GREB1L: variants seen among roughly 807,000 people sequenced by gnomAD.
The protein encoded by GREB1L is GREB1-like protein.
A neutral mutation model predicts 200.8 loss-of-function variants in GREB1L; 17 were observed. The ratio of observed to expected loss-of-function variants is 0.08; its 90% CI spans 0.06 to 0.13. The LOEUF (loss-of-function observed/expected upper bound fraction) is 0.13, where lower values mean the gene tolerates loss of function less well. GREB1L is among the 10% of genes least tolerant of loss of function. GREB1L has a pLI of 1.00. For synonymous variants in GREB1L, 789 were observed against 893.0 expected (o/e 0.88, Z 2.08); for missense variants, 1,657 against 2,367.7 (o/e 0.70, Z 6.23).
At chr18:21,376,870 A>G (rs1212048947) in intron 2 of GREB1L, among the ~76,000 whole-genome samples, 2 of 151,440 alleles carry the variant, frequency 1.3e-5, no homozygotes, top group African/African-American at 2.4e-5. Context: ...ATACTTATGT[A>G]TTGTATGTAT....
intron 7 of GREB1L, among the ~76,000 whole-genome samples, chr18:21,430,241 C>T (rs1405636909): frequency 6.6e-6 from 1 of 152,064 alleles, no homozygotes; most frequent in Non-Finnish European, 1.5e-5. Context: ...ATAACAATGG[C>T]ATACAATTGT....
At chr18:21,516,242 G>A (rs2037413998) in intron 29 of GREB1L, among the ~76,000 whole-genome samples, 2 of 152,186 alleles carry the variant, frequency 1.3e-5, no homozygotes, top group African/African-American at 4.8e-5. Flanking sequence ...AATAGCTGCT[G>A]CTTTCACTCC....
intron 1 of GREB1L, among the ~76,000 whole-genome samples, chr18:21,273,327 C>G (rs1392725165): frequency 1.3e-5 from 2 of 152,118 alleles, no homozygotes; most frequent in African/African-American, 2.4e-5. Flanking sequence ...TTTGTCACAT[C>G]TAGTTCTATT....
chr18:21,325,891 T>G (rs1269055736), intron 1 of GREB1L, among the ~76,000 whole-genome samples: 1 of 151,706 alleles, frequency 6.6e-6, no homozygotes, highest in African/African-American at 2.4e-5. Context: ...ACATTCTCTT[T>G]ATAATCTCTA....
intron 1 of GREB1L, among the ~76,000 whole-genome samples, chr18:21,359,682 C>CT (rs1057071912): frequency 4.6e-5 from 7 of 152,208 alleles, no homozygotes; most frequent in African/African-American, 1.7e-4. Flanking sequence ...ACAGGAACTG[C>CT]TTCTTCTTTG....
At chr18:21,522,465 T>C (rs1326822134) in intron 32 of GREB1L, among the ~76,000 whole-genome samples, 193 bp from the exon 33 acceptor site, 1 of 152,108 alleles carries the variant, frequency 6.6e-6, no homozygotes, top group African/African-American at 2.4e-5. Flanking sequence ...AGAGCAAGAC[T>C]CCGTCTCAAA....
At chr18:21,284,647 A>G (rs148504857) in intron 1 of GREB1L, among the ~76,000 whole-genome samples, 1 of 152,278 alleles carries the variant, frequency 6.6e-6, no homozygotes, top group Non-Finnish European at 1.5e-5. Flanking sequence ...ATCGTGTACA[A>G]ATTTTTGTAT....
At chr18:21,409,359 G>A (rs947118571) in intron 7 of GREB1L, among the ~76,000 whole-genome samples, 10 of 152,216 alleles carry the variant, frequency 6.6e-5, no homozygotes, top group African/African-American at 2.4e-4. Flanking sequence ...ATTAGTGCTT[G>A]CCTGGAGCAG....
At chr18:21,382,792 A>G (rs78059897) in intron 2 of GREB1L, among the ~76,000 whole-genome samples, 2 of 152,094 alleles carry the variant, frequency 1.3e-5, no homozygotes, top group Non-Finnish European at 2.9e-5. Flanking sequence ...CACCCTATAC[A>G]TGGAAATTTT....
intron 2 of GREB1L, among the ~76,000 whole-genome samples, chr18:21,366,585 C>T (rs1204262194): frequency 6.6e-6 from 1 of 151,324 alleles, no homozygotes; most frequent in African/African-American, 2.4e-5. Flanking sequence ...TTTTAGGAGG[C>T]TTTTAATTTA....
intron 1 of GREB1L, among the ~76,000 whole-genome samples, chr18:21,286,170 C>T (rs921941620): frequency 6.6e-6 from 1 of 152,110 alleles, no homozygotes; most frequent in Non-Finnish European, 1.5e-5. Flanking sequence ...TGTACTTGTC[C>T]GAGGACCACA....
At chr18:21,395,919 A>G (rs562777619) in intron 5 of GREB1L, among the ~76,000 whole-genome samples, 1 of 151,694 alleles carries the variant, frequency 6.6e-6, no homozygotes, top group Admixed American at 6.6e-5. Flanking sequence ...TAGTAGAGAC[A>G]GGGCTTCACC....
intron 1 of GREB1L, among the ~76,000 whole-genome samples, chr18:21,318,614 A>G (rs2038907709): frequency 1.3e-5 from 2 of 152,242 alleles, no homozygotes; most frequent in African/African-American, 4.8e-5. Context: ...AAACTCAGAT[A>G]CATTTTCATG....
At chr18:21,495,596 G>T in intron 19 of GREB1L, 74 bp from the exon 20 acceptor site, 1 of 772,430 alleles carries the variant, frequency 1.3e-6, no homozygotes, top group South Asian at 1.6e-5. Flanking sequence ...CTAAAATCTG[G>T]ACTCAGAAGC....
At position 21,255,366 on chromosome 18, in the gene GREB1L, C is replaced by G. The variant is rs562280309; in HGVS notation, c.-120+12973C>G. 2.0e-5 allele frequency among the ~76,000 whole-genome samples: 3 copies of G among 152,172 alleles called. No homozygotes were observed. In the South Asian group the frequency reaches 6.2e-4, roughly 32 times the overall value. On this transcript the variant is annotated intron_variant, in intron 1 of 32. Transcript: ENST00000424526. ...GGCACACAAGTCCCACTTCAGTAGC[C>G]CTGTGACTAAGCGGCTACTGTATTG... is the stretch of plus-strand genomic sequence containing the variant.
At chr18:21,341,232 C>T (rs1598673896) in intron 1 of GREB1L, among the ~76,000 whole-genome samples, 1 of 152,164 alleles carries the variant, frequency 6.6e-6, no homozygotes, top group South Asian at 2.1e-4. Flanking sequence ...AGAATTTGTA[C>T]TAGTCACTGA....
chr18:21,402,707 G>A (rs2041370312), intron 6 of GREB1L, among the ~76,000 whole-genome samples: 1 of 151,742 alleles, frequency 6.6e-6, no homozygotes, highest in Non-Finnish European at 1.5e-5. Context: ...ATTTTTTGTA[G>A]GGACAGGGTT....
At chr18:21,257,973 C>G (rs1161110870) in intron 1 of GREB1L, among the ~76,000 whole-genome samples, 1 of 152,086 alleles carries the variant, frequency 6.6e-6, no homozygotes, top group Non-Finnish European at 1.5e-5. Context: ...TTCACAAGAG[C>G]CTTCAGGTAC....
intron 1 of GREB1L, among the ~76,000 whole-genome samples, chr18:21,310,905 C>T (rs1044365559): frequency 6.6e-5 from 10 of 152,182 alleles, no homozygotes; most frequent in Admixed American, 2.0e-4. Context: ...TCTTGCACAA[C>T]GCACACCTCC....
Sources: allele counts gnomAD v4.1 joint callset (sites outside exome capture counted in the v4.1 genomes callset), GRCh38; gene constraint gnomAD v4.1.1; transcripts MANE v1.5; gene names NCBI Gene and HGNC (gene_info 2026-07-23, HGNC 2026-07-21).